USP26: variants seen among roughly 807,000 people sequenced by gnomAD.
USP26 encodes the protein ubiquitin specific peptidase 26.
For missense variants in USP26, 649 were observed against 642.3 expected, an observed-to-expected ratio of 1.01 and a Z score of -0.11; for synonymous variants, 236 against 240.6, an observed-to-expected ratio of 0.98 and a Z score of 0.18.
chrX:133,062,347 G>A (rs2067496482), intron 5 of USP26, among the ~76,000 whole-genome samples: 1 of 112,183 alleles, frequency 8.9e-6, no homozygotes, highest in Non-Finnish European at 1.9e-5. Context: ...CTGCCTGCCA[G>A]CTCTGAAGAG....
chrX:133,054,621 C>T (rs899538258), intron 5 of USP26, among the ~76,000 whole-genome samples: 2 of 111,507 alleles, frequency 1.8e-5, no homozygotes, highest in Admixed American at 9.6e-5. Flanking sequence ...TTCTGATGTA[C>T]TTTTTTTCTT....
intron 4 of USP26, among the ~76,000 whole-genome samples, chrX:133,088,795 G>A (rs180971792): frequency 1.5e-3 from 163 of 112,069 alleles, no homozygotes; most frequent in Non-Finnish European, 2.5e-3. Flanking sequence ...AGAGCAGTGG[G>A]TAGAACAAGT....
At chrX:133,038,517 G>T (rs1337771523) in intron 5 of USP26, among the ~76,000 whole-genome samples, 2 of 111,588 alleles carry the variant, frequency 1.8e-5, no homozygotes, top group Non-Finnish European at 3.8e-5. Flanking sequence ...GACGAAGCCG[G>T]CTTGATTGTG....
At chrX:133,053,672 G>A (rs1193288646) in intron 5 of USP26, among the ~76,000 whole-genome samples, 2 of 111,750 alleles carry the variant, frequency 1.8e-5, no homozygotes, top group African/African-American at 6.5e-5. Context: ...CCAAGTTAAT[G>A]TTCTTTTCTA....
At chrX:133,074,983 G>T (rs751868524) in intron 5 of USP26, among the ~76,000 whole-genome samples, 2 of 111,830 alleles carry the variant, frequency 1.8e-5, no homozygotes, top group South Asian at 7.6e-4. Flanking sequence ...TGTACTCAGG[G>T]TCAAATGACA....
At chrX:133,091,650 T>C (rs1264342112) in intron 1 of USP26, among the ~76,000 whole-genome samples, 2 of 111,392 alleles carry the variant, frequency 1.8e-5, no homozygotes, top group Non-Finnish European at 3.8e-5. Flanking sequence ...GTCAGTATCA[T>C]GGAGTCAGCA....
chrX:133,095,901 C>T (rs1292490268), intron 1 of USP26, among the ~76,000 whole-genome samples: 5 of 110,572 alleles, frequency 4.5e-5, no homozygotes, highest in African/African-American at 1.6e-4. Context: ...CATATCACCA[C>T]GCCTGGCTGA....
At chrX:133,085,244 A>C (rs922253626) in intron 4 of USP26, among the ~76,000 whole-genome samples, 6 of 112,203 alleles carry the variant, frequency 5.3e-5, no homozygotes, top group Admixed American at 9.4e-5. Flanking sequence ...CCATTGCGTC[A>C]TTCTTATGCT....
At chrX:133,054,171 A>G (rs147995745) in intron 5 of USP26, among the ~76,000 whole-genome samples, 164 of 111,838 alleles carry the variant, frequency 1.5e-3, no homozygotes, top group African/African-American at 4.7e-3. Flanking sequence ...ATACGGGCAA[A>G]AGGTTAACAG....
intron 5 of USP26, among the ~76,000 whole-genome samples, chrX:133,054,617 T>G (rs1463981790): frequency 1.8e-5 from 2 of 111,697 alleles, no homozygotes; most frequent in Non-Finnish European, 3.8e-5. Flanking sequence ...AAGCTTCTGA[T>G]GTACTTTTTT....
chrX:133,082,549 T>C (rs749633702), intron 5 of USP26, among the ~76,000 whole-genome samples: 2 of 112,428 alleles, frequency 1.8e-5, no homozygotes, highest in African/African-American at 6.4e-5. Context: ...GAACTATTAT[T>C]TTTGTGAGTA....
chrX:133,035,055 T>C (rs768593362), intron 5 of USP26, among the ~76,000 whole-genome samples: 1 of 111,393 alleles, frequency 9.0e-6, no homozygotes, highest in Non-Finnish European at 1.9e-5. Context: ...ACACTGATAG[T>C]AGAGTATGAG....
intron 1 of USP26, among the ~76,000 whole-genome samples, chrX:133,094,719 T>C (rs925275164): frequency 8.9e-6 from 1 of 112,268 alleles, no homozygotes; most frequent in Non-Finnish European, 1.9e-5. Context: ...CTGCAGTGGC[T>C]GGTGATTGGC....
chrX:133,045,318 C>T (rs925284698), intron 5 of USP26, among the ~76,000 whole-genome samples: 4 of 111,775 alleles, frequency 3.6e-5, no homozygotes, highest in African/African-American at 9.8e-5. Context: ...CCTGTCAAAA[C>T]GGACCAATCA....
chrX:133,068,619 G>T (rs1357261115), intron 5 of USP26, among the ~76,000 whole-genome samples: 1 of 112,061 alleles, frequency 8.9e-6, no homozygotes, highest in East Asian at 2.8e-4. Flanking sequence ...TTGCCTGTAG[G>T]CAGAAGGCTT....
At chrX:133,036,640 C>T (rs950826375) in intron 5 of USP26, among the ~76,000 whole-genome samples, 4 of 112,124 alleles carry the variant, frequency 3.6e-5, no homozygotes, top group Non-Finnish European at 7.5e-5. Flanking sequence ...AATAAACACA[C>T]ATGTGCATGT....
chrX:133,066,015 A>G (rs1400496661), intron 5 of USP26, among the ~76,000 whole-genome samples: 1 of 111,940 alleles, frequency 8.9e-6, no homozygotes, highest in Non-Finnish European at 1.9e-5. Context: ...CTAATAAACA[A>G]CTTCAGCAAA....
At chrX:133,077,014 C>A (rs1220923968) in intron 5 of USP26, among the ~76,000 whole-genome samples, 1 of 112,240 alleles carries the variant, frequency 8.9e-6, no homozygotes, top group Non-Finnish European at 1.9e-5. Context: ...GTAACCAATA[C>A]TAAGTACTGG....
At chrX:133,055,464 CAA>C (rs897999013) in intron 5 of USP26, among the ~76,000 whole-genome samples, 2 of 111,602 alleles carry the variant, frequency 1.8e-5, no homozygotes, top group African/African-American at 6.5e-5. Flanking sequence ...TATTAAAACA[CAA>C]AGAGACAAAG....
Sources: allele counts gnomAD v4.1 joint callset (sites outside exome capture counted in the v4.1 genomes callset), GRCh38; gene constraint gnomAD v4.1.1; transcripts MANE v1.5; gene names NCBI Gene and HGNC (gene_info 2026-07-23, HGNC 2026-07-21).